The following LPP variants were observed in gnomAD, a reference collection of about 807,000 sequenced individuals.
LPP encodes the protein lipoma-preferred partner.
LPP carries 38 observed loss-of-function variants against 60.4 expected under a neutral mutation model. The observed-to-expected ratio is 0.63, with a 90% CI of 0.49 to 0.83. LPP has a LOEUF of 0.83. Ranked by LOEUF, LPP falls within the 40% of genes least tolerant of loss-of-function variation. The probability of loss-of-function intolerance (pLI) is 0.00; values close to 1 mark genes in which losing one functional copy is unlikely to be tolerated. For synonymous variants in LPP, 328 were observed against 290.8 expected (o/e 1.13, Z -1.30); for missense variants, 902 against 783.6 (o/e 1.15, Z -1.80).
At chr3:188,267,853 A>G (rs944527274) in intron 2 of LPP, among the ~76,000 whole-genome samples, 3 of 151,900 alleles carry the variant, frequency 2.0e-5, no homozygotes, top group Non-Finnish European at 4.4e-5. Context: ...CCAGACCTCC[A>G]TCCCTAAACC....
chr3:188,860,771 T>A (rs1765015557), intron 9 of LPP, among the ~76,000 whole-genome samples: 1 of 152,260 alleles, frequency 6.6e-6, no homozygotes, highest in Non-Finnish European at 1.5e-5. Context: ...CGACGAGTTT[T>A]CTCTTGTCCT....
At chr3:188,401,509 T>G (rs1782236779) in intron 3 of LPP, among the ~76,000 whole-genome samples, 1 of 152,212 alleles carries the variant, frequency 6.6e-6, no homozygotes, top group African/African-American at 2.4e-5. Context: ...TCCCCCAAGA[T>G]TTTTCATGTG....
At chr3:188,660,637 C>T (rs1854354373) in intron 7 of LPP, among the ~76,000 whole-genome samples, 1 of 93,104 alleles carries the variant, frequency 1.1e-5, no homozygotes, top group South Asian at 4.7e-4. Context: ...AATGGTTTTC[C>T]AAAGATCTGT....
At chr3:188,750,245 G>A (rs1322468816) in intron 8 of LPP, among the ~76,000 whole-genome samples, 1 of 152,158 alleles carries the variant, frequency 6.6e-6, no homozygotes, top group African/African-American at 2.4e-5. Context: ...GCTGAATTTT[G>A]GAGGGAACCA....
At chr3:188,488,427 G>T (rs1238819210) in intron 5 of LPP, among the ~76,000 whole-genome samples, 1 of 152,062 alleles carries the variant, frequency 6.6e-6, no homozygotes, top group African/African-American at 2.4e-5. Flanking sequence ...TTTCTGTCAG[G>T]ATCAACGTGA....
intron 1 of LPP, among the ~76,000 whole-genome samples, chr3:188,174,934 A>G (rs1431859489): frequency 6.6e-6 from 1 of 151,962 alleles, no homozygotes. Flanking sequence ...TCTTGTAGTT[A>G]TCAATATGCT....
intron 2 of LPP, among the ~76,000 whole-genome samples, chr3:188,240,652 A>G (rs1178684291): frequency 2.0e-5 from 3 of 152,218 alleles, no homozygotes; most frequent in African/African-American, 4.8e-5. Flanking sequence ...AAGCGTAATC[A>G]TAACTATCCA....
At chr3:188,578,301 A>C (rs1835240687) in intron 6 of LPP, among the ~76,000 whole-genome samples, 1 of 151,224 alleles carries the variant, frequency 6.6e-6, no homozygotes, top group Non-Finnish European at 1.5e-5. Flanking sequence ...TTTAAGGTTC[A>C]TAAAATCTTG....
rs898253039 is a variant in LPP at position 188,885,388 on chromosome 3, C to G, written c.*10909C>G. On this transcript the variant is annotated 3_prime_UTR_variant, in exon 12 of 12. Coordinates refer to ENST00000617246, the MANE Select transcript of LPP (RefSeq NM_001375462.1). ...AAGTTAAATAGCAAATGACTTCTCA[C>G]CCCTTCCTAGTCCTCATGCCTGAGG... The G allele has an allele frequency of 5.2e-6, 1 of 194,158 alleles. No homozygotes were observed. The highest frequency in any genetic ancestry group is 6.1e-5 in the Admixed American group (1 of 16,378). The allele number at this position is 194,158 out of a possible 1,614,324, so 12.0% of individuals were successfully genotyped here. A position where few individuals can be genotyped will look rare whatever the true frequency, so the allele number is the denominator to read the frequency against.
At chr3:188,321,228 C>T (rs1479082711) in intron 2 of LPP, among the ~76,000 whole-genome samples, 2 of 152,134 alleles carry the variant, frequency 1.3e-5, no homozygotes, top group African/African-American at 2.4e-5. Context: ...AAGGTTGAGG[C>T]GAGGTGGGAG....
chr3:188,679,764 C>A (rs1222863080), intron 7 of LPP, among the ~76,000 whole-genome samples: 2 of 152,074 alleles, frequency 1.3e-5, no homozygotes, highest in Non-Finnish European at 2.9e-5. Context: ...AAATGCATGG[C>A]ATATTTTTCT....
At chr3:188,808,546 C>G (rs1749882490) in intron 9 of LPP, among the ~76,000 whole-genome samples, 1 of 152,122 alleles carries the variant, frequency 6.6e-6, no homozygotes, top group African/African-American at 2.4e-5. Flanking sequence ...GACCTTTATT[C>G]CAAAGGGACA....
intron 3 of LPP, among the ~76,000 whole-genome samples, chr3:188,378,246 C>A (rs1349232471): frequency 1.3e-5 from 2 of 152,184 alleles, no homozygotes; most frequent in Non-Finnish European, 2.9e-5. Flanking sequence ...CAGAGAGGGA[C>A]ATGTAAGTCT....
intron 2 of LPP, among the ~76,000 whole-genome samples, chr3:188,281,145 A>T (rs936685702): frequency 6.6e-6 from 1 of 152,198 alleles, no homozygotes; most frequent in African/African-American, 2.4e-5. Context: ...ATTTGCACAT[A>T]TGAATTATTT....
At chr3:188,864,412 AG>A (rs1228864507) in intron 9 of LPP, among the ~76,000 whole-genome samples, 4 of 152,260 alleles carry the variant, frequency 2.6e-5, no homozygotes, top group African/African-American at 9.6e-5. Context: ...GGTGCATTAT[AG>A]GACAGAGAAA....
At chr3:188,460,720 G>C (rs1379457164) in intron 4 of LPP, among the ~76,000 whole-genome samples, 2 of 152,174 alleles carry the variant, frequency 1.3e-5, no homozygotes, top group Admixed American at 6.5e-5. Flanking sequence ...AAGGAACATA[G>C]TTAACATGAT....
intron 3 of LPP, among the ~76,000 whole-genome samples, chr3:188,362,241 T>G (rs1769660527): frequency 6.6e-6 from 1 of 152,182 alleles, no homozygotes; most frequent in African/African-American, 2.4e-5. Context: ...ACGCTAGGCA[T>G]TTCTTAAACT....
chr3:188,843,582 T>C (rs1215029477), intron 9 of LPP, among the ~76,000 whole-genome samples: 1 of 151,272 alleles, frequency 6.6e-6, no homozygotes, highest in Non-Finnish European at 1.5e-5. Context: ...GGTCAGGAGA[T>C]CGAGACCATC....
At chr3:188,767,541 A>G (rs539609749) in intron 9 of LPP, among the ~76,000 whole-genome samples, 5 of 152,226 alleles carry the variant, frequency 3.3e-5, no homozygotes, top group Non-Finnish European at 5.9e-5. Flanking sequence ...ACACTGATCT[A>G]TGCAAACAAA....
Sources: gnomAD v4.1 joint callset for allele counts (sites outside exome capture counted in the v4.1 genomes callset) on GRCh38, gnomAD v4.1.1 for gene constraint, MANE v1.5 for transcripts, NCBI Gene and HGNC (gene_info 2026-07-23, HGNC 2026-07-21) for gene names.